Variants in LRMDA observed in about 807,000 individuals in gnomAD.
LRMDA encodes leucine rich melanocyte differentiation associated, also known as leucine-rich melanocyte differentiation-associated protein.
A neutral mutation model predicts 29.8 loss-of-function variants in LRMDA; 18 were observed. The ratio of observed to expected loss-of-function variants is 0.60; its 90% CI spans 0.42 to 0.90. LRMDA has a LOEUF of 0.90. Ranked by LOEUF, LRMDA falls within the 40% of genes least tolerant of loss-of-function variation. The pLI is 0.00. For missense variants in LRMDA, 273 were observed against 273.9 expected (o/e 1.00, Z 0.02); for synonymous variants, 125 against 109.4 (o/e 1.14, Z -0.89).
chr10:75,678,493 C>T (rs767093923), intron 2 of LRMDA, among the ~76,000 whole-genome samples: 4 of 152,070 alleles, frequency 2.6e-5, no homozygotes, highest in East Asian at 3.9e-4. Flanking sequence ...ATAGTACTGG[C>T]GGGATTATTA....
chr10:76,430,453 A>G (rs951247430), intron 6 of LRMDA, among the ~76,000 whole-genome samples: 1 of 152,194 alleles, frequency 6.6e-6, no homozygotes, highest in African/African-American at 2.4e-5. Context: ...CTTGAAGGAA[A>G]GGAGCTGATG....
chr10:76,532,772 A>T (rs922079771), intron 6 of LRMDA, among the ~76,000 whole-genome samples: 2 of 152,222 alleles, frequency 1.3e-5, no homozygotes, highest in African/African-American at 4.8e-5. Context: ...AAGCCATTTC[A>T]GCTTTTCCTA....
intron 6 of LRMDA, among the ~76,000 whole-genome samples, chr10:76,469,092 A>G (rs570093815): frequency 6.6e-6 from 1 of 152,294 alleles, no homozygotes; most frequent in South Asian, 2.1e-4. Flanking sequence ...AGCAACTACT[A>G]AAACTCAAAA....
chr10:75,783,055 G>T (rs772793567), intron 2 of LRMDA: 2 of 1,612,916 alleles, frequency 1.2e-6, no homozygotes, highest in East Asian at 2.2e-5. Flanking sequence ...TCAAAGAGTC[G>T]GTCTTTTCTG....
intron 2 of LRMDA, among the ~76,000 whole-genome samples, chr10:75,973,666 C>T (rs2099494): frequency 0.02 from 2,973 of 152,224 alleles, 196 homozygotes; most frequent in Admixed American, 0.12. Context: ...GTGATCCACC[C>T]GCCTTGGCCT....
At chr10:75,920,112 G>C (rs1474678690) in intron 2 of LRMDA, among the ~76,000 whole-genome samples, 2 of 152,142 alleles carry the variant, frequency 1.3e-5, no homozygotes, top group African/African-American at 4.8e-5. Context: ...CCCTCCCTAT[G>C]TTCCCAGTCT....
intron 5 of LRMDA, among the ~76,000 whole-genome samples, chr10:76,231,934 C>G (rs932284108): frequency 6.6e-6 from 1 of 152,092 alleles, no homozygotes; most frequent in African/African-American, 2.4e-5. Flanking sequence ...AATCCCAGAG[C>G]AAAGAGAATT....
intron 2 of LRMDA, among the ~76,000 whole-genome samples, chr10:75,576,421 G>A (rs972267817): frequency 2.6e-5 from 4 of 152,250 alleles, no homozygotes. Context: ...GCACCTGGGG[G>A]AAGGGGCAGT....
At chr10:75,552,905 C>A (rs888072346) in intron 2 of LRMDA, among the ~76,000 whole-genome samples, 2 of 152,046 alleles carry the variant, frequency 1.3e-5, no homozygotes, top group South Asian at 2.1e-4. Context: ...CCATTTGACT[C>A]ATTTTAAAGA....
rs886696682 is a variant in LRMDA at position 75,904,566 on chromosome 10, C to T, written c.132-131442C>T. Among the ~76,000 whole-genome samples the T allele has an allele frequency of 4.6e-5, 7 of 152,142 alleles. 1 individual carries two copies. The South Asian group carries it at 1.0e-3, about 23-fold the overall frequency. ...CCTGTAGCCATAAATAAGCTTCATTCGCTGCCACACTAAAGAGGACAGTTT... is the reference window on the plus strand; with the variant it reads ...CCTGTAGCCATAAATAAGCTTCATTTGCTGCCACACTAAAGAGGACAGTTT... On this transcript the variant is annotated intron_variant, in intron 2 of 6. Coordinates refer to ENST00000611255, the MANE Select transcript of LRMDA (RefSeq NM_001305581.2).
At chr10:76,355,042 C>A (rs1231195977) in intron 6 of LRMDA, among the ~76,000 whole-genome samples, 6 of 152,090 alleles carry the variant, frequency 3.9e-5, no homozygotes, top group Non-Finnish European at 8.8e-5. Flanking sequence ...CTCAACTCAA[C>A]AGGTACTTGT....
At chr10:76,194,708 G>T (rs1387026558) in intron 5 of LRMDA, among the ~76,000 whole-genome samples, 1 of 152,136 alleles carries the variant, frequency 6.6e-6, no homozygotes, top group African/African-American at 2.4e-5. Flanking sequence ...ACCTGTCTCT[G>T]CAGACAGACC....
chr10:76,033,653 A>G (rs1038292814), intron 2 of LRMDA, among the ~76,000 whole-genome samples: 3 of 152,152 alleles, frequency 2.0e-5, no homozygotes, highest in Non-Finnish European at 2.9e-5. Context: ...CTCAGGAACA[A>G]TGTGTATTTG....
chr10:75,649,950 C>T (rs1841575717), intron 2 of LRMDA, among the ~76,000 whole-genome samples: 1 of 152,098 alleles, frequency 6.6e-6, no homozygotes, highest in African/African-American at 2.4e-5. Context: ...AGTCCTTTGC[C>T]CATTTTTGAA....
intron 6 of LRMDA, among the ~76,000 whole-genome samples, chr10:76,353,821 A>C (rs1448990402): frequency 6.6e-6 from 1 of 152,052 alleles, no homozygotes; most frequent in Non-Finnish European, 1.5e-5. Flanking sequence ...GTTTTTCCAA[A>C]TTCTGTTCCA....
intron 5 of LRMDA, among the ~76,000 whole-genome samples, chr10:76,063,566 A>ATG (rs376792487): frequency 4.6e-5 from 7 of 151,590 alleles, no homozygotes; most frequent in African/African-American, 1.5e-4. Flanking sequence ...GCTATTGTGT[A>ATG]TGTGTGTGTG....
At chr10:75,613,098 G>C (rs928011187) in intron 2 of LRMDA, among the ~76,000 whole-genome samples, 3 of 143,890 alleles carry the variant, frequency 2.1e-5, no homozygotes, top group African/African-American at 5.2e-5. Context: ...GAAAACTGTA[G>C]ACTTGAAAAC....
chr10:76,219,735 G>A (rs1188155029), intron 5 of LRMDA, among the ~76,000 whole-genome samples: 2 of 152,068 alleles, frequency 1.3e-5, no homozygotes, highest in African/African-American at 2.4e-5. Context: ...AGGATACCCA[G>A]GAATTGAACT....
At chr10:75,821,700 C>T (rs181851915) in intron 2 of LRMDA, among the ~76,000 whole-genome samples, 10 of 151,980 alleles carry the variant, frequency 6.6e-5, no homozygotes, top group East Asian at 1.9e-4. Flanking sequence ...ACCTGGGAGG[C>T]GGAGCTTGCA....
Sources: gnomAD v4.1 joint callset for allele counts (sites outside exome capture counted in the v4.1 genomes callset) on GRCh38, gnomAD v4.1.1 for gene constraint, MANE v1.5 for transcripts, NCBI Gene and HGNC (gene_info 2026-07-23, HGNC 2026-07-21) for gene names.